Variants in KAZN observed in about 807,000 individuals in gnomAD.
KAZN encodes the protein kazrin.
KAZN carries 40 observed loss-of-function variants against 87.4 expected under a neutral mutation model. That is an observed-to-expected ratio of 0.46 (90% CI 0.36 to 0.60). The LOEUF (loss-of-function observed/expected upper bound fraction) is 0.60, where lower values mean the gene tolerates loss of function less well. KAZN is among the 20% of genes least tolerant of loss of function. The pLI is 0.00. For synonymous variants in KAZN, 466 were observed against 458.3 expected (o/e 1.02, Z -0.22); for missense variants, 898 against 1,073.9 (o/e 0.84, Z 2.29).
intron 2 of KAZN, among the ~76,000 whole-genome samples, chr1:14,501,554 A>G (rs1670255163): frequency 6.6e-6 from 1 of 152,262 alleles, no homozygotes; most frequent in Non-Finnish European, 1.5e-5. Flanking sequence ...TTGGAATCAA[A>G]AAGAACAAAA....
chr1:15,055,924 G>A (rs1230742629), intron 4 of KAZN, among the ~76,000 whole-genome samples, 167 bp from the exon 5 acceptor site: 3 of 152,214 alleles, frequency 2.0e-5, no homozygotes, highest in African/African-American at 7.2e-5. Context: ...CCCTCACACG[G>A]CTGCGGGGCA....
chr1:14,533,518 C>G (rs1015502363), intron 2 of KAZN, among the ~76,000 whole-genome samples: 1 of 152,192 alleles, frequency 6.6e-6, no homozygotes, highest in South Asian at 2.1e-4. Context: ...GCATCTGCCT[C>G]AAGGTTCCCA....
chr1:15,083,149 G>A (rs1019667444), intron 8 of KAZN, among the ~76,000 whole-genome samples: 58 of 152,290 alleles, frequency 3.8e-4, no homozygotes, highest in African/African-American at 1.3e-3. Flanking sequence ...GCAAGTACCA[G>A]GGTGCTCCAA....
intron 1 of KAZN, among the ~76,000 whole-genome samples, chr1:13,994,855 T>G (rs12038457): frequency 0.14 from 20,702 of 144,418 alleles, 1,537 homozygotes; most frequent in Middle Eastern, 0.23. Context: ...TTCTGGTGGA[T>G]GGGAATGCAG....
In KAZN at chr1:15,014,767, T is replaced by C. The variant is rs190652560; in HGVS notation, c.419-19982T>C. On this transcript the variant is annotated intron_variant, in intron 2 of 14. Transcript: ENST00000376030. ...AAGGGATGGTCAGACAGTCAGCTTG[T>C]GGGGCTGAGGCCATCTGCAATTCTA... Among the ~76,000 whole-genome samples the C allele has an allele frequency of 7.6e-3, 1,152 of 152,278 alleles. 10 individuals are homozygous for C. The highest frequency in any genetic ancestry group is 0.012 in the Non-Finnish European group (801 of 68,024).
chr1:14,372,079 G>C (rs908346475), intron 2 of KAZN, among the ~76,000 whole-genome samples: 1 of 152,190 alleles, frequency 6.6e-6, no homozygotes, highest in Non-Finnish European at 1.5e-5. Context: ...GATCTGAACA[G>C]ACTGAAAACA....
chr1:14,456,198 AC>A (rs769615076), intron 2 of KAZN, among the ~76,000 whole-genome samples: 4 of 152,220 alleles, frequency 2.6e-5, no homozygotes, highest in Non-Finnish European at 5.9e-5. Flanking sequence ...GCAGCTTAAA[AC>A]AACAAGCAAG....
intron 1 of KAZN, among the ~76,000 whole-genome samples, chr1:13,979,206 C>A (rs1223976874): frequency 6.6e-6 from 1 of 151,654 alleles, no homozygotes; most frequent in Non-Finnish European, 1.5e-5. Flanking sequence ...CAGGGGGAAA[C>A]CCGTCCCCCA....
intron 1 of KAZN, among the ~76,000 whole-genome samples, chr1:13,998,306 A>G (rs1014898740): frequency 2.0e-5 from 3 of 152,202 alleles, no homozygotes; most frequent in Non-Finnish European, 4.4e-5. Flanking sequence ...CTATGAAAAA[A>G]CTGCATCAAC....
chr1:14,967,292 C>T (rs550741630), intron 2 of KAZN, among the ~76,000 whole-genome samples: 2 of 152,256 alleles, frequency 1.3e-5, no homozygotes, highest in South Asian at 4.2e-4. Context: ...TATGGTATCA[C>T]CTCCCTTCTG....
Position 14,076,179 on chromosome 1 carries a change from G to A in KAZN, c.92-104256G>A, listed in dbSNP as rs112311219. Among the ~76,000 whole-genome samples the A allele has an allele frequency of 6.6e-3, 1,002 of 152,200 alleles. 13 individuals are homozygous for A. Among genetic ancestry groups the A allele is most frequent in the African/African-American group, 0.023 (959 of 41,518 alleles). ...ACCTGTAGTCCCAGCTACTCGGGAG[G>A]CTGAGGCAGGAGAATGGCGTGAACC... On this transcript the variant is annotated intron_variant, in intron 1 of 16. Transcript: ENST00000636203.
chr1:14,807,312 T>C (rs936396617), intron 1 of KAZN, among the ~76,000 whole-genome samples: 2 of 152,102 alleles, frequency 1.3e-5, no homozygotes, highest in African/African-American at 4.8e-5. Context: ...GCTTTGCGAG[T>C]CATTCTGAAA....
chr1:14,561,486 T>C (rs531211309), intron 2 of KAZN, among the ~76,000 whole-genome samples: 4 of 152,252 alleles, frequency 2.6e-5, no homozygotes, highest in Admixed American at 6.5e-5. Context: ...GCCAATCAGC[T>C]TTTGGGGAGG....
intron 2 of KAZN, among the ~76,000 whole-genome samples, chr1:14,445,333 G>A (rs1337217867): frequency 3.3e-5 from 5 of 152,098 alleles, no homozygotes; most frequent in Admixed American, 1.3e-4. Flanking sequence ...GCCAACTGGT[G>A]TGCTTTTAAG....
intron 1 of KAZN, among the ~76,000 whole-genome samples, chr1:14,010,900 C>A (rs1240546361): frequency 6.6e-6 from 1 of 152,162 alleles, no homozygotes; most frequent in East Asian, 1.9e-4. Context: ...AACTCTTTGC[C>A]AATGGCAGAA....
chr1:14,834,228 G>A (rs1647146818), intron 1 of KAZN, among the ~76,000 whole-genome samples: 2 of 151,930 alleles, frequency 1.3e-5, no homozygotes, highest in African/African-American at 4.8e-5. Context: ...TAGAGATGGG[G>A]TTTCACCATG....
intron 1 of KAZN, among the ~76,000 whole-genome samples, chr1:14,946,935 T>C (rs563764260): frequency 6.6e-6 from 1 of 152,188 alleles, no homozygotes; most frequent in Non-Finnish European, 1.5e-5. Context: ...TTTCCCCTAG[T>C]CTTCTCAGAA....
chr1:14,921,917 A>C (rs1658570810), intron 1 of KAZN, among the ~76,000 whole-genome samples: 1 of 152,102 alleles, frequency 6.6e-6, no homozygotes, highest in South Asian at 2.1e-4. Context: ...TCACCATATT[A>C]GCCAGGCTGG....
intron 1 of KAZN, among the ~76,000 whole-genome samples, chr1:14,052,099 G>T (rs1221422741): frequency 6.6e-6 from 1 of 152,110 alleles, no homozygotes; most frequent in Non-Finnish European, 1.5e-5. Context: ...CTTGATTCAG[G>T]ACCCAAATCT....
Sources: allele counts gnomAD v4.1 joint callset (sites outside exome capture counted in the v4.1 genomes callset), GRCh38; gene constraint gnomAD v4.1.1; transcripts MANE v1.5; gene names NCBI Gene and HGNC (gene_info 2026-07-23, HGNC 2026-07-21).